The following CSMD1 variants were observed in gnomAD, a reference collection of about 807,000 sequenced individuals.
CSMD1 encodes CUB and Sushi multiple domains 1, also known as CUB and sushi domain-containing protein 1.
CSMD1 carries 213 observed loss-of-function variants against 417.5 expected under a neutral mutation model. The ratio of observed to expected loss-of-function variants is 0.51; its 90% CI spans 0.46 to 0.57. The LOEUF is 0.57. CSMD1 is among the 20% of genes least tolerant of loss of function. The pLI, the probability that CSMD1 is intolerant of heterozygous loss-of-function variation, is 0.00. For synonymous variants in CSMD1, 2,862 were observed against 1,736.8 expected (o/e 1.65, Z -16.11); for missense variants, 6,923 against 4,529.7 (o/e 1.53, Z -15.17).
intron 7 of CSMD1, among the ~76,000 whole-genome samples, chr8:3,695,937 C>G (rs1247003816): frequency 1.3e-5 from 2 of 152,132 alleles, no homozygotes; most frequent in African/African-American, 4.8e-5. Context: ...AGGAACAAGA[C>G]AAATCAGACC....
intron 28 of CSMD1, among the ~76,000 whole-genome samples, chr8:3,220,413 G>A (rs983848790): frequency 6.6e-6 from 1 of 152,198 alleles, no homozygotes; most frequent in Non-Finnish European, 1.5e-5. Context: ...TGCCATTGGT[G>A]ATGTGTAGGC....
intron 1 of CSMD1, among the ~76,000 whole-genome samples, chr8:4,838,425 G>A (rs527381156): frequency 4.6e-5 from 7 of 152,198 alleles, no homozygotes; most frequent in Admixed American, 1.3e-4. Context: ...TGGTAATTAA[G>A]CATAGCTCAA....
In CSMD1 at chr8:4,063,412, T is replaced by C. The variant is rs2980784; in HGVS notation, c.416-31313A>G. Among the ~76,000 whole-genome samples the C allele has an allele frequency of 9.2e-5, 14 of 152,312 alleles. No homozygotes were observed. In the East Asian group the frequency reaches 2.7e-3, roughly 29 times the overall value. On this transcript the variant is annotated intron_variant, in intron 3 of 69. Transcript: ENST00000635120. Reference sequence around the variant, plus strand: ...AACTATATAGATTATAGTATATATTTAAATTATGATTATTAAATGAATACA... The same window carrying C: ...AACTATATAGATTATAGTATATATTCAAATTATGATTATTAAATGAATACA...
At chr8:4,159,971 C>G (rs942621614) in intron 3 of CSMD1, among the ~76,000 whole-genome samples, 2 of 151,950 alleles carry the variant, frequency 1.3e-5, no homozygotes, top group Non-Finnish European at 2.9e-5. Flanking sequence ...GGATAAAAGA[C>G]TACCAATTGG....
At position 4,570,094 on chromosome 8, in the gene CSMD1, C is replaced by G. The variant is rs187910388; in HGVS notation, c.302+67248G>C. On this transcript the variant is annotated intron_variant, in intron 2 of 69. Coordinates refer to ENST00000635120, the MANE Select transcript of CSMD1 (RefSeq NM_033225.6). ...TCACGTCGTCTGCAAACAGAGACAA[C>G]TTGACTTCCTCTCTTCCTAATTGAA... Among the ~76,000 whole-genome samples, 1,059 of 152,184 alleles carry G rather than the reference C, an allele frequency of 7.0e-3. 12 individuals carry two copies. The highest frequency in any genetic ancestry group is 0.01 in the Non-Finnish European group (714 of 68,006).
At chr8:3,034,219 G>A (rs1470039223) in intron 50 of CSMD1, among the ~76,000 whole-genome samples, 1 of 152,202 alleles carries the variant, frequency 6.6e-6, no homozygotes. Context: ...TGAAGAAAAA[G>A]ATTTGATGTG....
rs529205422 is a variant in CSMD1, at chr8:4,790,685, A to T, written c.86-153127T>A. Reference sequence around the variant, plus strand: ...AACCCAGAAATAAAGCCACATTTCTATAACCATCTGATATTTTACAAAGCC... The same window carrying T: ...AACCCAGAAATAAAGCCACATTTCTTTAACCATCTGATATTTTACAAAGCC... On this transcript the variant is annotated intron_variant, in intron 1 of 69. Coordinates refer to ENST00000635120, the MANE Select transcript of CSMD1 (RefSeq NM_033225.6). Among the ~76,000 whole-genome samples the T allele has an allele frequency of 8.3e-4, 127 of 152,332 alleles. 4 individuals carry two copies. In the South Asian group the frequency reaches 0.025, roughly 30 times the overall value.
At chr8:3,243,801 AATT>A (rs1441375178) in intron 26 of CSMD1, among the ~76,000 whole-genome samples, 1 of 150,746 alleles carries the variant, frequency 6.6e-6, no homozygotes, top group Non-Finnish European at 1.5e-5. Flanking sequence ...ATTTATATAT[AATT>A]ATATGATGAA....
intron 1 of CSMD1, among the ~76,000 whole-genome samples, chr8:4,718,184 C>T (rs899877724): frequency 2.6e-5 from 4 of 152,174 alleles, no homozygotes; most frequent in African/African-American, 9.6e-5. Flanking sequence ...CCTATGTAGC[C>T]CAGGCTGGTC....
At chr8:4,535,512 C>A (rs1421615288) in intron 2 of CSMD1, among the ~76,000 whole-genome samples, 2 of 152,060 alleles carry the variant, frequency 1.3e-5, no homozygotes, top group Non-Finnish European at 2.9e-5. Flanking sequence ...CATTATCATT[C>A]TTTCGATGTT....
chr8:3,511,498 T>C (rs942267180), intron 10 of CSMD1, among the ~76,000 whole-genome samples: 1 of 151,726 alleles, frequency 6.6e-6, no homozygotes, highest in Admixed American at 6.6e-5. Context: ...CTCACGGCTG[T>C]AATCCCTGCA....
intron 3 of CSMD1, among the ~76,000 whole-genome samples, chr8:4,149,335 C>T (rs1032157156): frequency 1.2e-4 from 18 of 152,232 alleles, no homozygotes; most frequent in African/African-American, 4.1e-4. Context: ...TAAAACATCA[C>T]TCCAGTTTGC....
intron 26 of CSMD1, among the ~76,000 whole-genome samples, chr8:3,231,784 A>C (rs1798856086): frequency 6.6e-6 from 1 of 152,234 alleles, no homozygotes; most frequent in Non-Finnish European, 1.5e-5. Context: ...TCAGGACTTA[A>C]TTAGTACCTA....
At chr8:4,248,578 C>G (rs543557732) in intron 3 of CSMD1, among the ~76,000 whole-genome samples, 6 of 152,278 alleles carry the variant, frequency 3.9e-5, no homozygotes, top group Admixed American at 6.5e-5. Flanking sequence ...ACTCTCTCAC[C>G]TCCTTCAAAT....
chr8:3,971,185 A>G (rs1015718872), intron 5 of CSMD1, among the ~76,000 whole-genome samples: 4 of 152,148 alleles, frequency 2.6e-5, no homozygotes, highest in Non-Finnish European at 5.9e-5. Flanking sequence ...GGGAAGCAAC[A>G]CCAAATGTCC....
intron 25 of CSMD1, 31 bp from the exon 26 acceptor site, chr8:3,284,377 C>T (rs1480228816): frequency 9.0e-6 from 14 of 1,548,818 alleles, no homozygotes; most frequent in Admixed American, 1.7e-5. Context: ...GCGCTACTTG[C>T]CGTGCATCGA....
chr8:3,767,026 C>G (rs966520002), intron 5 of CSMD1, among the ~76,000 whole-genome samples: 2 of 152,182 alleles, frequency 1.3e-5, no homozygotes, highest in Non-Finnish European at 2.9e-5. Context: ...CATATGAGCT[C>G]TCATAACTCC....
At chr8:4,159,449 C>T (rs1295359264) in intron 3 of CSMD1, among the ~76,000 whole-genome samples, 1 of 152,146 alleles carries the variant, frequency 6.6e-6, no homozygotes, top group Non-Finnish European at 1.5e-5. Flanking sequence ...TTTATGGCAG[C>T]ACAATTCACT....
intron 1 of CSMD1, among the ~76,000 whole-genome samples, chr8:4,759,536 G>A (rs1028063505): frequency 1.3e-5 from 2 of 151,920 alleles, no homozygotes; most frequent in Non-Finnish European, 2.9e-5. Context: ...CATGCACTAG[G>A]ATTTTTTTCC....
Sources: gnomAD v4.1 joint callset for allele counts (sites outside exome capture counted in the v4.1 genomes callset) on GRCh38, gnomAD v4.1.1 for gene constraint, MANE v1.5 for transcripts, NCBI Gene and HGNC (gene_info 2026-07-23, HGNC 2026-07-21) for gene names.